The following SYTL5 variants were observed in gnomAD, a reference collection of about 807,000 sequenced individuals.
SYTL5 encodes the protein synaptotagmin-like protein 5.
Under a neutral mutation model 55.9 loss-of-function variants are expected in SYTL5, and 34 were observed. The observed-to-expected ratio is 0.61, with a 90% CI of 0.46 to 0.81. SYTL5 has a LOEUF of 0.81. SYTL5 is among the 30% of genes least tolerant of loss of function. The pLI is 0.00. For missense variants in SYTL5, 637 were observed against 546.7 expected, an observed-to-expected ratio of 1.17 and a Z score of -1.65; for synonymous variants, 221 against 188.7, an observed-to-expected ratio of 1.17 and a Z score of -1.40.
At chrX:37,892,419 T>A in the SYTL5 span, among the ~76,000 whole-genome samples, 1 of 103,825 alleles carries the variant, frequency 9.6e-6, no homozygotes, top group Non-Finnish European at 2.0e-5. Flanking sequence ...AAAGATTCTT[T>A]ACCTTCATTT....
At chrX:38,027,878 C>T (rs1934831888) in intron 1 of SYTL5, among the ~76,000 whole-genome samples, 1 of 104,589 alleles carries the variant, frequency 9.6e-6, no homozygotes, top group South Asian at 4.4e-4. Context: ...AGCTGGAGTG[C>T]AATGGCAAAA....
At chrX:38,056,919 C>T (rs1935803820) in intron 3 of SYTL5, among the ~76,000 whole-genome samples, 1 of 111,202 alleles carries the variant, frequency 9.0e-6, no homozygotes, top group South Asian at 3.8e-4. Flanking sequence ...ATATTTTCTC[C>T]CATTCTGCAA....
At position 38,043,493 on chromosome X, in the gene SYTL5, T is replaced by C. The variant is rs775806146; in HGVS notation, c.119+9485T>C. 2.9e-5 allele frequency among the ~76,000 whole-genome samples: 3 copies of C among 104,684 alleles called. No homozygotes were observed. The South Asian group carries it at 1.3e-3, about 45-fold the overall frequency. The allele number at this position is 104,684 out of a possible 115,157, so 90.9% of individuals were successfully genotyped here. Reference sequence around the variant, plus strand: ...AACCTCAATCTGCTTAAACATTTAATATTGTCTGGTACATATTTTCATTAA... The same window carrying C: ...AACCTCAATCTGCTTAAACATTTAACATTGTCTGGTACATATTTTCATTAA... On this transcript the variant is annotated intron_variant, in intron 2 of 16. Coordinates refer to ENST00000297875, the MANE Select transcript of SYTL5 (RefSeq NM_138780.3).
chrX:37,893,624 A>T, the SYTL5 span, among the ~76,000 whole-genome samples: 3 of 76,346 alleles, frequency 3.9e-5, no homozygotes, highest in Non-Finnish European at 6.4e-5. Context: ...ATCTATATAT[A>T]ATCTATATAT....
the SYTL5 span, among the ~76,000 whole-genome samples, chrX:37,904,604 C>T: frequency 9.0e-6 from 1 of 111,217 alleles, no homozygotes; most frequent in Non-Finnish European, 1.9e-5. Flanking sequence ...TTATTTTCCA[C>T]TATGTGTTAG....
At chrX:38,073,809 C>A in intron 5 of SYTL5, 111 bp downstream of exon 5, 1 of 449,729 alleles carries the variant, frequency 2.2e-6, no homozygotes, top group South Asian at 5.0e-5. Flanking sequence ...CAGAGGAGGT[C>A]AGAGACTCAA....
At chrX:37,981,621 C>T in the SYTL5 span, among the ~76,000 whole-genome samples, 5 of 111,620 alleles carry the variant, frequency 4.5e-5, no homozygotes, top group African/African-American at 1.6e-4. Flanking sequence ...AAACATTGAC[C>T]TAGGTAACTA....
At chrX:37,927,521 AT>A in the SYTL5 span, among the ~76,000 whole-genome samples, 1 of 110,811 alleles carries the variant, frequency 9.0e-6, no homozygotes, top group African/African-American at 3.3e-5. Context: ...CACTCCTGTA[AT>A]CCCAGAACTT....
At chrX:37,950,787 G>A in the SYTL5 span, among the ~76,000 whole-genome samples, 77 of 111,373 alleles carry the variant, frequency 6.9e-4, no homozygotes, top group African/African-American at 2.3e-3. Flanking sequence ...TTCTTTTTCT[G>A]AGAGCTTTTC....
chrX:38,067,414 T>G (rs776072094), intron 3 of SYTL5, among the ~76,000 whole-genome samples: 3 of 110,826 alleles, frequency 2.7e-5, no homozygotes, highest in African/African-American at 6.5e-5. Flanking sequence ...GGCCTTGGCA[T>G]GCCACTATTT....
the SYTL5 span, among the ~76,000 whole-genome samples, chrX:37,948,083 A>T: frequency 1.5e-4 from 17 of 111,371 alleles, no homozygotes; most frequent in African/African-American, 4.6e-4. Context: ...AAGTGGGCAA[A>T]TTCTACTCCA....
At chrX:37,957,093 G>A in the SYTL5 span, among the ~76,000 whole-genome samples, 1 of 105,804 alleles carries the variant, frequency 9.5e-6, no homozygotes, top group African/African-American at 3.4e-5. Context: ...CTTGTTGGGA[G>A]AAACGTCGAT....
the SYTL5 span, among the ~76,000 whole-genome samples, chrX:37,956,613 G>T: frequency 8.9e-6 from 1 of 112,015 alleles, no homozygotes; most frequent in Admixed American, 9.5e-5. Flanking sequence ...ATCTCATGTG[G>T]CAGGATTTCA....
At chrX:37,999,855 G>C in the SYTL5 span, among the ~76,000 whole-genome samples, 1 of 111,875 alleles carries the variant, frequency 8.9e-6, no homozygotes, top group African/African-American at 3.3e-5. Flanking sequence ...GCTCTTTCAA[G>C]GTCAAAGCAG....
chrX:37,986,455 T>C, the SYTL5 span, among the ~76,000 whole-genome samples: 1 of 112,253 alleles, frequency 8.9e-6, no homozygotes, highest in Admixed American at 9.4e-5. Flanking sequence ...TTCTATGCAA[T>C]GTCTGTAATC....
At chrX:38,102,943 T>C in intron 10 of SYTL5, 2 of 679,819 alleles carry the variant, frequency 2.9e-6, no homozygotes, top group Non-Finnish European at 4.5e-6. Flanking sequence ...TATCTAACTG[T>C]GTGTAAGTCT....
At chrX:38,061,860 A>T (rs1935952401) in intron 3 of SYTL5, among the ~76,000 whole-genome samples, 1 of 112,441 alleles carries the variant, frequency 8.9e-6, no homozygotes, top group Non-Finnish European at 1.9e-5. Flanking sequence ...GCAGTCCAAC[A>T]CAAAGACAGT....
At chrX:38,037,807 TA>T (rs971584110) in intron 2 of SYTL5, among the ~76,000 whole-genome samples, 17 of 109,595 alleles carry the variant, frequency 1.6e-4, no homozygotes, top group African/African-American at 4.7e-4. Flanking sequence ...GATAGATAGA[TA>T]GATAGATAGA....
At chrX:37,975,989 C>T in the SYTL5 span, among the ~76,000 whole-genome samples, 1 of 111,632 alleles carries the variant, frequency 9.0e-6, no homozygotes, top group African/African-American at 3.3e-5. Flanking sequence ...CCTCTGCCCT[C>T]CAAAGCTCAA....
Sources: allele counts gnomAD v4.1 joint callset (sites outside exome capture counted in the v4.1 genomes callset), GRCh38; gene constraint gnomAD v4.1.1; transcripts MANE v1.5; gene names NCBI Gene and HGNC (gene_info 2026-07-23, HGNC 2026-07-21).